Variants in LINGO2 observed in about 807,000 individuals in gnomAD.
LINGO2 encodes the protein leucine rich repeat and Ig domain containing 2.
LINGO2 carries 14 observed loss-of-function variants against 30.6 expected under a neutral mutation model. That is an observed-to-expected ratio of 0.46 (90% CI 0.30 to 0.72). LINGO2 has a LOEUF of 0.72. Ranked by LOEUF, LINGO2 falls within the 30% of genes least tolerant of loss-of-function variation. The pLI, the probability that LINGO2 is intolerant of heterozygous loss-of-function variation, is 0.07. For synonymous variants in LINGO2, 317 were observed against 288.5 expected, an observed-to-expected ratio of 1.10 and a Z score of -1.00; for missense variants, 729 against 751.7, an observed-to-expected ratio of 0.97 and a Z score of 0.35.
At chr9:28,905,664 G>T in the LINGO2 span, among the ~76,000 whole-genome samples, 1 of 152,082 alleles carries the variant, frequency 6.6e-6, no homozygotes, top group Non-Finnish European at 1.5e-5. Context: ...GTTAACTAAT[G>T]TTGGTGAGAA....
At chr9:28,609,311 A>AC (rs1825818099) in intron 1 of LINGO2, among the ~76,000 whole-genome samples, 1 of 151,926 alleles carries the variant, frequency 6.6e-6, no homozygotes, top group African/African-American at 2.4e-5. Context: ...GGTGGGTGAA[A>AC]ACACACTTCA....
At chr9:28,744,639 T>TGTGTGTGTGTGTGTG in the LINGO2 span, among the ~76,000 whole-genome samples, 6 of 141,576 alleles carry the variant, frequency 4.2e-5, no homozygotes, top group East Asian at 2.1e-4. Flanking sequence ...TGTGTGTGTG[T>TGTGTGTGTGTGTGTG]ATTTTTTTTT....
chr9:28,055,991 T>C (rs530541346), intron 4 of LINGO2, among the ~76,000 whole-genome samples: 3 of 152,262 alleles, frequency 2.0e-5, no homozygotes, highest in Non-Finnish European at 4.4e-5. Flanking sequence ...GAGACCTTCA[T>C]TATGAGACGA....
At chr9:28,351,782 C>T (rs1482414941) in intron 3 of LINGO2, among the ~76,000 whole-genome samples, 1 of 152,054 alleles carries the variant, frequency 6.6e-6, no homozygotes, top group African/African-American at 2.4e-5. Context: ...TCCAGCAGCA[C>T]ATCAAGAAGC....
chr9:28,848,053 A>ACACAC, the LINGO2 span, among the ~76,000 whole-genome samples: 121 of 14,246 alleles, frequency 8.5e-3, 8 homozygotes, highest in Middle Eastern at 0.083. Context: ...TAGTATATAT[A>ACACAC]TATATATATG....
At chr9:28,242,362 G>C (rs1587307790) in intron 4 of LINGO2, among the ~76,000 whole-genome samples, 1 of 152,194 alleles carries the variant, frequency 6.6e-6, no homozygotes, top group Middle Eastern at 3.4e-3. Context: ...TCAAGTGGAA[G>C]AAAGAGTATC....
chr9:28,629,351 T>C (rs988908124), intron 1 of LINGO2, among the ~76,000 whole-genome samples: 3 of 152,140 alleles, frequency 2.0e-5, no homozygotes, highest in Non-Finnish European at 4.4e-5. Flanking sequence ...TTTGTGTCCA[T>C]CACTGGAGCA....
chr9:28,711,272 G>T, the LINGO2 span, among the ~76,000 whole-genome samples: 1 of 152,010 alleles, frequency 6.6e-6, no homozygotes, highest in African/African-American at 2.4e-5. Flanking sequence ...CTAACCCTAC[G>T]TTTCTATCAT....
At chr9:28,167,148 C>T (rs942270407) in intron 4 of LINGO2, among the ~76,000 whole-genome samples, 1 of 142,022 alleles carries the variant, frequency 7.0e-6, no homozygotes, top group East Asian at 2.4e-4. Context: ...CACCCCCCCC[C>T]CCCACTTTTC....
At chr9:29,150,824 T>C in the LINGO2 span, among the ~76,000 whole-genome samples, 66,718 of 151,870 alleles carry the variant, frequency 0.44, 14,741 homozygotes, top group East Asian at 0.51. Flanking sequence ...ACTTGGCACA[T>C]ATATGTAAGA....
At chr9:28,110,679 C>T (rs1826753402) in intron 4 of LINGO2, among the ~76,000 whole-genome samples, 1 of 152,104 alleles carries the variant, frequency 6.6e-6, no homozygotes, top group South Asian at 2.1e-4. Context: ...ATCAAAAACA[C>T]AATGAGATAC....
intron 5 of LINGO2, among the ~76,000 whole-genome samples, chr9:27,958,157 A>G (rs1001520339): frequency 3.9e-5 from 6 of 152,216 alleles, no homozygotes; most frequent in African/African-American, 1.4e-4. Context: ...TTAAAATTAC[A>G]AGTGAGTACG....
intron 4 of LINGO2, among the ~76,000 whole-genome samples, chr9:28,242,796 A>G (rs1336655288): frequency 6.6e-6 from 1 of 152,224 alleles, no homozygotes; most frequent in Non-Finnish European, 1.5e-5. Flanking sequence ...CCTACAAGCC[A>G]GAAGAGAGTA....
the LINGO2 span, among the ~76,000 whole-genome samples, chr9:28,708,406 C>T: frequency 2.0e-5 from 3 of 152,096 alleles, no homozygotes; most frequent in African/African-American, 7.2e-5. Context: ...CTTGCAGATG[C>T]CTCATCACTG....
chr9:28,585,597 G>A (rs1015507414), intron 1 of LINGO2, among the ~76,000 whole-genome samples: 6 of 151,996 alleles, frequency 3.9e-5, no homozygotes, highest in Non-Finnish European at 8.8e-5. Context: ...GTAGGCTGAC[G>A]TAAGTGTTCT....
intron 1 of LINGO2, among the ~76,000 whole-genome samples, chr9:28,632,875 TATATGTAGAGAGAGAG>T (rs1827058486): frequency 9.3e-5 from 9 of 96,710 alleles, no homozygotes; most frequent in African/African-American, 2.6e-4. Context: ...TATATATATA[TATATGTAGAGAGAGAG>T]AGAGAGAGAG....
At chr9:27,981,240 CCAAA>C (rs1370399510) in intron 5 of LINGO2, among the ~76,000 whole-genome samples, 4 of 151,676 alleles carry the variant, frequency 2.6e-5, no homozygotes, top group East Asian at 2.0e-4. Flanking sequence ...CCATTATGTG[CCAAA>C]CACTTTCCCA....
At chr9:28,288,214 C>T (rs1444326252) in intron 4 of LINGO2, among the ~76,000 whole-genome samples, 1 of 152,180 alleles carries the variant, frequency 6.6e-6, no homozygotes, top group Non-Finnish European at 1.5e-5. Context: ...ACTACCGATA[C>T]ATCCAGCCAC....
the LINGO2 span, among the ~76,000 whole-genome samples, chr9:29,086,964 A>T: frequency 6.7e-6 from 1 of 150,314 alleles, no homozygotes; most frequent in African/African-American, 2.5e-5. Context: ...TCACTGCAAC[A>T]TCTGCCTCCC....
Sources: gnomAD v4.1 joint callset for allele counts (sites outside exome capture counted in the v4.1 genomes callset) on GRCh38, gnomAD v4.1.1 for gene constraint, MANE v1.5 for transcripts, NCBI Gene and HGNC (gene_info 2026-07-23, HGNC 2026-07-21) for gene names.